RSRC1: variants seen among roughly 807,000 people sequenced by gnomAD.
RSRC1 encodes serine/Arginine-related protein 53.
Under a neutral mutation model 49.1 loss-of-function variants are expected in RSRC1, and 39 were observed. The observed-to-expected ratio is 0.79, with a 90% CI of 0.61 to 1.04. The LOEUF (loss-of-function observed/expected upper bound fraction) is 1.04. Among genes scored for constraint, RSRC1 ranks in the 50% least tolerant of loss-of-function variants. RSRC1 has a pLI of 0.00. For synonymous variants in RSRC1, 143 were observed against 130.8 expected, an observed-to-expected ratio of 1.09 and a Z score of -0.63; for missense variants, 388 against 402.4, an observed-to-expected ratio of 0.96 and a Z score of 0.31.
At chr3:158,463,900 A>G (rs1196153221) in intron 7 of RSRC1, among the ~76,000 whole-genome samples, 3 of 152,258 alleles carry the variant, frequency 2.0e-5, no homozygotes, top group East Asian at 3.9e-4. Context: ...TATCGCTAGT[A>G]CATTGGTGAT....
chr3:158,187,463 C>G, intron 3 of RSRC1, among the ~76,000 whole-genome samples: 1 of 151,934 alleles, frequency 6.6e-6, no homozygotes, highest in East Asian at 1.9e-4. Context: ...AATAGTAAAA[C>G]TTGATATGAG....
At chr3:158,173,604 G>A (rs1431144305) in intron 3 of RSRC1, among the ~76,000 whole-genome samples, 1 of 151,800 alleles carries the variant, frequency 6.6e-6, no homozygotes, top group Non-Finnish European at 1.5e-5. Context: ...TCCACTCTTA[G>A]CCATCTACCC....
At chr3:158,262,794 A>C (rs1559967124) in intron 4 of RSRC1, among the ~76,000 whole-genome samples, 1 of 152,028 alleles carries the variant, frequency 6.6e-6, no homozygotes, top group Non-Finnish European at 1.5e-5. Flanking sequence ...AAATTTCCTG[A>C]AGTATTTCTT....
chr3:158,468,948 G>A lies in RSRC1; in HGVS notation c.652+7945G>A, dbSNP rs537216310. On this transcript the variant is annotated intron_variant, in intron 7 of 9. Coordinates refer to ENST00000611884, the MANE Select transcript of RSRC1 (RefSeq NM_001271838.2). ...CAAATAACAAGGAAAATATATAGAC[G>A]AAGAATATAGTCGCAATCATTATTT... Among the ~76,000 whole-genome samples, 94 of 152,152 alleles carry A rather than the reference G, an allele frequency of 6.2e-4. 1 individual carries two copies. The South Asian group carries it at 0.019, about 31-fold the overall frequency.
chr3:158,363,845 G>A (rs1279536122), intron 6 of RSRC1, among the ~76,000 whole-genome samples: 2 of 152,134 alleles, frequency 1.3e-5, no homozygotes, highest in Non-Finnish European at 2.9e-5. Flanking sequence ...AAAATCTAAA[G>A]TAATGTTTTA....
chr3:158,515,731 T>C (rs988412205), intron 7 of RSRC1, among the ~76,000 whole-genome samples: 1 of 150,002 alleles, frequency 6.7e-6, no homozygotes, highest in African/African-American at 2.5e-5. Flanking sequence ...CACTTTCAGG[T>C]ACACCAATCA....
At chr3:158,314,324 C>G (rs932791224) in intron 5 of RSRC1, among the ~76,000 whole-genome samples, 39 of 152,116 alleles carry the variant, frequency 2.6e-4, no homozygotes, top group Non-Finnish European at 5.3e-4. Flanking sequence ...AACTCCTGAC[C>G]TCAGGTGATC....
At chr3:158,176,809 C>A (rs1719249476) in intron 3 of RSRC1, among the ~76,000 whole-genome samples, 1 of 152,176 alleles carries the variant, frequency 6.6e-6, no homozygotes, top group South Asian at 2.1e-4. Flanking sequence ...TCTAATTAAA[C>A]TCAAGAGCTT....
intron 3 of RSRC1, among the ~76,000 whole-genome samples, chr3:158,127,008 C>G (rs997693219): frequency 2.0e-4 from 31 of 151,972 alleles, no homozygotes; most frequent in Non-Finnish European, 7.4e-5. Flanking sequence ...TATGAAAGCT[C>G]CCTTGTGTAT....
chr3:158,418,943 C>T (rs1734893520), intron 6 of RSRC1, among the ~76,000 whole-genome samples: 1 of 151,906 alleles, frequency 6.6e-6, no homozygotes, highest in Non-Finnish European at 1.5e-5. Context: ...GAAAACTATT[C>T]AACGCTTCTG....
chr3:158,392,566 A>G (rs547383826), intron 6 of RSRC1, among the ~76,000 whole-genome samples: 12 of 152,216 alleles, frequency 7.9e-5, no homozygotes, highest in East Asian at 1.9e-4. Flanking sequence ...TAAACCAACT[A>G]TGATCCAAAA....
intron 6 of RSRC1, among the ~76,000 whole-genome samples, chr3:158,457,772 T>C (rs74344999): frequency 0.016 from 2,388 of 151,036 alleles, 55 homozygotes; most frequent in African/African-American, 0.055. Flanking sequence ...TTAATATATA[T>C]ATGGGATAAA....
chr3:158,298,014 T>C (rs1297146963), intron 4 of RSRC1, 25 bp from the exon 5 acceptor site: 5 of 1,559,640 alleles, frequency 3.2e-6, no homozygotes, highest in Non-Finnish European at 4.4e-6. Flanking sequence ...AGCAACTATT[T>C]AGAACTTTTA....
At chr3:158,138,607 C>T (rs997928057) in intron 3 of RSRC1, among the ~76,000 whole-genome samples, 1 of 152,090 alleles carries the variant, frequency 6.6e-6, no homozygotes, top group African/African-American at 2.4e-5. Context: ...AAATGCAGTC[C>T]CTGCTTTAAA....
chr3:158,187,660 C>G (rs1297647490), intron 3 of RSRC1, among the ~76,000 whole-genome samples: 1 of 151,980 alleles, frequency 6.6e-6, no homozygotes, highest in Non-Finnish European at 1.5e-5. Context: ...CAGTTTAGAG[C>G]ATTTGACACC....
intron 3 of RSRC1, among the ~76,000 whole-genome samples, chr3:158,160,779 GT>G (rs1158057978): frequency 6.6e-6 from 1 of 151,902 alleles, no homozygotes; most frequent in Non-Finnish European, 1.5e-5. Flanking sequence ...TGAAGTTAAA[GT>G]TTTTTTTAGC....
intron 7 of RSRC1, among the ~76,000 whole-genome samples, chr3:158,490,673 AT>A (rs1739049224): frequency 6.6e-6 from 1 of 152,202 alleles, no homozygotes; most frequent in Non-Finnish European, 1.5e-5. Flanking sequence ...TTCATAATGT[AT>A]TTACTTGGAT....
chr3:158,446,307 A>C (rs1433663649), intron 6 of RSRC1, among the ~76,000 whole-genome samples: 1 of 151,828 alleles, frequency 6.6e-6, no homozygotes, highest in East Asian at 1.9e-4. Flanking sequence ...AAACTCTGCC[A>C]TATAGAATTG....
At chr3:158,155,901 C>T (rs953451855) in intron 3 of RSRC1, among the ~76,000 whole-genome samples, 1 of 152,072 alleles carries the variant, frequency 6.6e-6, no homozygotes, top group Non-Finnish European at 1.5e-5. Flanking sequence ...TCTTAAGAGC[C>T]CTAGGATTTT....
Sources: gnomAD v4.1 joint callset for allele counts (sites outside exome capture counted in the v4.1 genomes callset) on GRCh38, gnomAD v4.1.1 for gene constraint, MANE v1.5 for transcripts, NCBI Gene and HGNC (gene_info 2026-07-23, HGNC 2026-07-21) for gene names.